The following RYR2 variants were observed in gnomAD, a reference collection of about 807,000 sequenced individuals.
RYR2 encodes ryanodine receptor 2.
RYR2 carries 227 observed loss-of-function variants against 601.1 expected under a neutral mutation model. That is an observed-to-expected ratio of 0.38 (90% CI 0.34 to 0.42). RYR2 has a LOEUF of 0.42. Ranked by LOEUF, RYR2 falls within the 10% of genes least tolerant of loss-of-function variation. RYR2 has a pLI of 1.00. For synonymous variants in RYR2, 2,223 were observed against 2,175.1 expected (o/e 1.02, Z -0.61); for missense variants, 4,646 against 6,156.5 (o/e 0.75, Z 8.21).
At chr1:237,284,239 G>C (rs1691206570) in intron 2 of RYR2, among the ~76,000 whole-genome samples, 1 of 151,782 alleles carries the variant, frequency 6.6e-6, no homozygotes, top group Non-Finnish European at 1.5e-5. Context: ...AAATCAGCCG[G>C]GCGTGGTCGC....
chr1:237,150,225 A>G (rs918264891), intron 1 of RYR2, among the ~76,000 whole-genome samples: 8 of 152,210 alleles, frequency 5.3e-5, no homozygotes, highest in African/African-American at 1.9e-4. Flanking sequence ...GACCTGTCTG[A>G]CTTCAGAGGT....
intron 100 of RYR2, among the ~76,000 whole-genome samples, chr1:237,815,958 G>A (rs960916168): frequency 9.9e-5 from 15 of 152,172 alleles, no homozygotes; most frequent in African/African-American, 3.4e-4. Context: ...AAGACCAAGA[G>A]TCTTGGTCAG....
intron 25 of RYR2, among the ~76,000 whole-genome samples, chr1:237,534,174 C>G (rs530461826): frequency 6.6e-6 from 1 of 152,048 alleles, no homozygotes; most frequent in East Asian, 1.9e-4. Flanking sequence ...CTGATGTACT[C>G]TCCTTTTATC....
intron 62 of RYR2, among the ~76,000 whole-genome samples, chr1:237,687,186 T>C (rs1421175845): frequency 6.6e-6 from 1 of 152,034 alleles, no homozygotes; most frequent in Non-Finnish European, 1.5e-5. Context: ...GCTTTCAATT[T>C]TTTTTGGTTT....
At chr1:237,467,423 G>T (rs922669843) in intron 16 of RYR2, among the ~76,000 whole-genome samples, 2 of 152,026 alleles carry the variant, frequency 1.3e-5, no homozygotes, top group Non-Finnish European at 2.9e-5. Context: ...AATTAGTTCT[G>T]CTTAGAACTT....
chr1:237,052,099 G>T (rs532563207), intron 1 of RYR2, among the ~76,000 whole-genome samples: 7 of 152,174 alleles, frequency 4.6e-5, no homozygotes, highest in East Asian at 1.9e-4. Flanking sequence ...AGTTTACTAG[G>T]GTACCTTAAT....
Position 237,387,344 on chromosome 1 carries a change from G to A in RYR2, c.640G>A (p.Val214Met), listed in dbSNP as rs1036926941. The A allele has an allele frequency of 3.1e-6, 5 of 1,613,862 alleles. No individual in the cohort carries two copies. The highest frequency in any genetic ancestry group is 1.1e-5 in the South Asian group (1 of 91,088). The change falls in exon 9 of 105, where the codon GTG (valine) becomes ATG (methionine). Residue 214 changes from valine (V) to methionine (M), a missense_variant. Transcript: ENST00000366574. ...DAAFQQTLWS[V>M]APISSGSEAA... ...CGCTTTCCAGCAGACTCTCTGGAGC[G>A]TGGCCCCAATCAGCTCAGGAAGTGA...
chr1:237,323,135 CAG>C, intron 2 of RYR2, among the ~76,000 whole-genome samples: 1 of 152,076 alleles, frequency 6.6e-6, no homozygotes, highest in Non-Finnish European at 1.5e-5. Flanking sequence ...ACTTGTTTTC[CAG>C]AGAGTTGGTA....
At chr1:237,747,625 G>A (rs947554066) in intron 80 of RYR2, among the ~76,000 whole-genome samples, 4 of 152,156 alleles carry the variant, frequency 2.6e-5, no homozygotes, top group Non-Finnish European at 5.9e-5. Context: ...TTTTGGTAAT[G>A]CTACAAGAAT....
chr1:237,112,489 C>A (rs12139283), intron 1 of RYR2, among the ~76,000 whole-genome samples: 83,445 of 150,750 alleles, frequency 0.55, 25,558 homozygotes, highest in Non-Finnish European at 0.68. Context: ...TTTACCTTTT[C>A]TGTTAAAGAA....
At chr1:237,594,907 T>TG (rs1675690126) in intron 33 of RYR2, among the ~76,000 whole-genome samples, 4 of 58,778 alleles carry the variant, frequency 6.8e-5, no homozygotes, top group Admixed American at 2.7e-4. Context: ...TTTTTTTTTT[T>TG]TTTTTTTTTT....
chr1:237,638,549 A>G (rs1215480976), intron 45 of RYR2, 57 bp downstream of exon 45: 15 of 1,566,816 alleles, frequency 9.6e-6, no homozygotes, highest in Non-Finnish European at 1.2e-5. Flanking sequence ...ATAGAGATAT[A>G]ATAAGGATTC....
chr1:237,477,657 C>T lies in RYR2; in HGVS notation c.1708+8470C>T, dbSNP rs73110405. Among the ~76,000 whole-genome samples the T allele has an allele frequency of 6.9e-3, 1,047 of 152,232 alleles. 26 individuals carry two copies. The East Asian group carries it at 0.094, about 14-fold the overall frequency. On this transcript the variant is annotated intron_variant, in intron 17 of 104. Transcript: ENST00000366574. ...TAATTGCATTGTGTCACTTGCTTTC[C>T]GTCAAGTTTAAGTGTCTGTTACCTA...
chr1:237,700,501 T>C, intron 65 of RYR2, 34 bp downstream of exon 65: 1 of 1,144,152 alleles, frequency 8.7e-7, no homozygotes, highest in Non-Finnish European at 1.3e-6. Context: ...TTTTTTTTTT[T>C]TTAATCGAAA....
chr1:237,401,916 A>G (rs1572157010), intron 10 of RYR2, among the ~76,000 whole-genome samples: 2 of 152,298 alleles, frequency 1.3e-5, no homozygotes, highest in Non-Finnish European at 2.9e-5. Context: ...AGCCACTTCT[A>G]TTCACTTGGA....
intron 2 of RYR2, among the ~76,000 whole-genome samples, chr1:237,289,630 C>A (rs138662385): frequency 1.4e-5 from 2 of 145,474 alleles, no homozygotes; most frequent in East Asian, 4.0e-4. Flanking sequence ...AATTACCTCC[C>A]ACTGGGTCCC....
intron 3 of RYR2, among the ~76,000 whole-genome samples, chr1:237,343,532 T>G (rs532463779): frequency 1.3e-5 from 2 of 151,030 alleles, no homozygotes; most frequent in Non-Finnish European, 2.9e-5. Context: ...AATAAGTGAT[T>G]TTTTTTTTCA....
chr1:237,506,988 G>A (rs890807827), intron 23 of RYR2, among the ~76,000 whole-genome samples, 174 bp downstream of exon 23: 4 of 152,152 alleles, frequency 2.6e-5, no homozygotes, highest in African/African-American at 9.7e-5. Context: ...TGTAGTTAAT[G>A]GGGCTGACAG....
intron 17 of RYR2, among the ~76,000 whole-genome samples, chr1:237,474,284 C>CACACAT (rs534047841): frequency 2.1e-5 from 1 of 48,576 alleles, no homozygotes; most frequent in Non-Finnish European, 6.8e-5. Flanking sequence ...CACACACACA[C>CACACAT]ATATATATAT....
Sources: gnomAD v4.1 joint callset for allele counts (sites outside exome capture counted in the v4.1 genomes callset) on GRCh38, gnomAD v4.1.1 for gene constraint, MANE v1.5 for transcripts, NCBI Gene and HGNC (gene_info 2026-07-23, HGNC 2026-07-21) for gene names.